SNX22: variants seen among roughly 807,000 people sequenced by gnomAD.
SNX22 encodes the protein sorting nexin 22.
Under a neutral mutation model 24.7 loss-of-function variants are expected in SNX22, and 23 were observed. The observed-to-expected ratio is 0.93, with a 90% CI of 0.67 to 1.32. The LOEUF (loss-of-function observed/expected upper bound fraction) is 1.32, where lower values mean the gene tolerates loss of function less well. Ranked by LOEUF, SNX22 falls within the 40% of genes most tolerant of loss-of-function variation. SNX22 has a pLI of 0.00. For synonymous variants in SNX22, 99 were observed against 104.0 expected (o/e 0.95, Z 0.29); for missense variants, 261 against 249.9 (o/e 1.04, Z -0.30).
chr15:64,153,873 C>G (rs2081505288), intron 5 of SNX22, 62 bp from the exon 6 acceptor site: 1 of 1,593,336 alleles, frequency 6.3e-7, no homozygotes, highest in Admixed American at 1.7e-5. Flanking sequence ...CCCGTCTCCA[C>G]CCCTCTGTGG....
chr15:64,156,747 A>G lies in SNX22; in HGVS notation c.*2239A>G. On this transcript the variant is annotated 3_prime_UTR_variant, in exon 7 of 7. Coordinates refer to ENST00000325881, the MANE Select transcript of SNX22 (RefSeq NM_024798.3). The surrounding 1 kb of genome is among the most constrained non-coding windows in gnomAD (Gnocchi z 6.4). ...CACCATGCCCTCTAGAACTTTGCCA[A>G]ACACCACATGCTTGCCATCTAGCCA... 2 of 1,614,144 alleles carry G rather than the reference A, an allele frequency of 1.2e-6. No individual in the cohort carries two copies. The highest frequency in any genetic ancestry group is 1.7e-6 in the Non-Finnish European group (2 of 1,180,026).
rs765111952 is a variant in SNX22, at chr15:64,153,326, G to C, written c.346G>C (p.Ala116Pro). 6.2e-7 allele frequency: 1 copy of C among 1,613,534 alleles called. No individual in the cohort carries two copies. Among genetic ancestry groups the C allele is most frequent in the African/African-American group, 1.3e-5 (1 of 75,048 alleles). The change falls in exon 4 of 7, where the codon GCT becomes CCT. Residue 116 changes from alanine to proline, a missense_variant. By Grantham distance (27) the Ala-to-Pro change is conservative. Coordinates refer to ENST00000325881, the MANE Select transcript of SNX22 (RefSeq NM_024798.3). ...RLRHFPTDPK[A>P]SNWGTLREFL... ...TCGGCACTTCCCCACAGACCCCAAGGCTAGCAACTGGGGGTAAGGGGGGCC... is the reference window on the plus strand; with the variant it reads ...TCGGCACTTCCCCACAGACCCCAAGCCTAGCAACTGGGGGTAAGGGGGGCC...
At chr15:64,153,466 T>G in intron 4 of SNX22, 127 bp downstream of exon 4, 1 of 1,496,556 alleles carries the variant, frequency 6.7e-7, no homozygotes, top group Non-Finnish European at 9.1e-7. Flanking sequence ...CCAGCTCTCT[T>G]GACCTGGGTG....
In SNX22 at chr15:64,152,622, G is replaced by C; in HGVS notation, c.160-16G>C. 1 of 1,612,184 alleles carries C rather than the reference G, an allele frequency of 6.2e-7. No individual in the cohort carries two copies. The highest frequency in any genetic ancestry group is 1.1e-5 in the South Asian group (1 of 90,998). On this transcript the variant is annotated splice_polypyrimidine_tract_variant and intron_variant, in intron 2 of 6. Coordinates refer to ENST00000325881, the MANE Select transcript of SNX22 (RefSeq NM_024798.3). ...CAGTCGGGATGCTGTGATCGCACGC[G>C]GTAAACCTCCAGTAGATCAAGAAGC... is the stretch of plus-strand genomic sequence containing the variant.
intron 3 of SNX22, 146 bp downstream of exon 3, chr15:64,152,888 A>G: frequency 1.4e-6 from 1 of 689,706 alleles, no homozygotes; most frequent in South Asian, 1.8e-5. Context: ...TGAGTCTAAT[A>G]TAGGTCCAAA....
rs1208540732 is a variant in SNX22, at chr15:64,151,765, C to T, written c.-11C>T. On this transcript the variant is annotated 5_prime_UTR_variant, in exon 1 of 7. Transcript: ENST00000325881. ...AGCCGAGCGCGCGGAGCAGCTGGGG[C>T]CGGGGCGCGGATGCTGGAAGTTCAC... The T allele has an allele frequency of 2.6e-6, 4 of 1,531,162 alleles. No individual in the cohort carries two copies. In the African/African-American group the frequency reaches 5.7e-5, roughly 22 times the overall value. 94.8% of individuals were successfully genotyped at this position (1,531,162 alleles called of 1,614,324 possible).
chr15:64,152,201 CG>C (rs1208294181), intron 1 of SNX22, 41 bp from the exon 2 acceptor site: 1 of 1,368,444 alleles, frequency 7.3e-7, no homozygotes, highest in East Asian at 3.0e-5. Context: ...CGTCCTCCCG[CG>C]GGGCCTCACG....
intron 5 of SNX22, 64 bp downstream of exon 5, chr15:64,153,748 C>A: frequency 6.2e-7 from 1 of 1,610,690 alleles, no homozygotes; most frequent in Non-Finnish European, 8.5e-7. Context: ...TGCTAGGAGG[C>A]AGGCCTGCTG....
At position 64,154,316 on chromosome 15, in the gene SNX22, G is replaced by T. The variant is rs878911021; in HGVS notation, c.461-71G>T. ...GCAGGGGCTCCTACTCCCAAGTGGG[G>T]GCTGAGCCCATGAGCAGGAGCTCAA... is the stretch of plus-strand genomic sequence containing the variant. On this transcript the variant is annotated intron_variant, in intron 6 of 6. Transcript: ENST00000325881. 4.6e-5 allele frequency: 74 copies of T among 1,601,576 alleles called. 1 individual carries two copies. Among genetic ancestry groups the T allele is most frequent in the Middle Eastern group, 3.4e-4 (2 of 5,944 alleles).
At chr15:64,152,787 G>T (rs1173967768) in intron 3 of SNX22, 45 bp downstream of exon 3, 1 of 1,567,900 alleles carries the variant, frequency 6.4e-7, no homozygotes, top group African/African-American at 1.3e-5. Flanking sequence ...TCTGTGCCAG[G>T]GGTGTGGCCC....
Position 64,155,912 on chromosome 15 carries a change from G to A in SNX22, c.*1404G>A, listed in dbSNP as rs954840080. ...TCCATGGGCCTGTGGAATGTGAGGG[G>A]AGTGGGTCCGCTCCACCAGATGCCA... On this transcript the variant is annotated 3_prime_UTR_variant, in exon 7 of 7. Coordinates refer to ENST00000325881, the MANE Select transcript of SNX22 (RefSeq NM_024798.3). 1 of 1,522,690 alleles carries A rather than the reference G, an allele frequency of 6.6e-7. No homozygotes were observed. Among genetic ancestry groups the A allele is most frequent in the Admixed American group, 1.7e-5 (1 of 59,862 alleles). 94.3% of individuals were successfully genotyped at this position (1,522,690 alleles called of 1,614,324 possible). A position where few individuals can be genotyped will look rare whatever the true frequency, so the allele number is the denominator to read the frequency against.
chr15:64,155,820 T>TAAA lies in SNX22; in HGVS notation c.*1323_*1325dup, dbSNP rs5813282. 2,365 of 529,094 alleles carry TAAA rather than the reference T, an allele frequency of 4.5e-3. 3 individuals carry two copies. The highest frequency in any genetic ancestry group is 6.8e-3 in the South Asian group (321 of 47,166). The allele number at this position is 529,094 out of a possible 1,614,324, so 32.8% of individuals were successfully genotyped here. ...AGAACCAGGCCCACACATTATATATTAAAAAAAAAAAAACCCACATTTTTT... is the reference window on the plus strand; with the variant it reads ...AGAACCAGGCCCACACATTATATATTAAAAAAAAAAAAAAAACCCACATTTTTT... On this transcript the variant is annotated 3_prime_UTR_variant, in exon 7 of 7. Transcript: ENST00000325881.
At position 64,153,996 on chromosome 15, in the gene SNX22, T is replaced by G. The variant is rs115329833; in HGVS notation, c.454T>G (p.Ser152Ala). Residue 152 changes from serine to alanine, a missense_variant, in exon 6 of 7, where the codon TCC (serine) becomes GCC (alanine). By Grantham distance (99) the Ser-to-Ala change is moderately conservative (BLOSUM62 1). Transcript: ENST00000325881. ...FHVDPYVCNPSPESLPNVVVN... is the reference protein window; with the variant it reads ...FHVDPYVCNPAPESLPNVVVN... Reference sequence around the variant, plus strand: ...TGTGGATCCCTATGTTTGCAACCCCTCCCCAGGTGAGGAGGTGCCTAGATA... The same window carrying G: ...TGTGGATCCCTATGTTTGCAACCCCGCCCCAGGTGAGGAGGTGCCTAGATA... The G allele has an allele frequency of 2.8e-4, 452 of 1,613,964 alleles. 2 individuals carry two copies. In the African/African-American group the frequency reaches 5.4e-3, roughly 19 times the overall value.
In SNX22 at chr15:64,154,565, A is replaced by C; in HGVS notation, c.*57A>C. On this transcript the variant is annotated 3_prime_UTR_variant, in exon 7 of 7. Transcript: ENST00000325881. ...AAAGTCATGTGCCTCTGTCCTATGA[A>C]CTCCATATAAGGCTGGGTCCTCCTT... is the stretch of plus-strand genomic sequence containing the variant. 3 of 1,597,620 alleles carry C rather than the reference A, an allele frequency of 1.9e-6. No homozygotes were observed. Among genetic ancestry groups the C allele is most frequent in the Non-Finnish European group, 1.7e-6 (2 of 1,169,874 alleles).
At chr15:64,153,850 T>A in intron 5 of SNX22, 85 bp from the exon 6 acceptor site, 1 of 1,592,028 alleles carries the variant, frequency 6.3e-7, no homozygotes, top group Non-Finnish European at 8.6e-7. Flanking sequence ...CATGGGTCCC[T>A]GGTGATGGCA....
Position 64,152,761 on chromosome 15 carries a change from G to T in SNX22, c.264+19G>T, listed in dbSNP as rs752787537. Reference sequence around the variant, plus strand: ...CATCCAGGTATGCGAGAGCACAGTTGGTTGCCCCCCGGCCTTCTGTGCCAG... The same window carrying T: ...CATCCAGGTATGCGAGAGCACAGTTTGTTGCCCCCCGGCCTTCTGTGCCAG... On this transcript the variant is annotated intron_variant, in intron 3 of 6. Coordinates refer to ENST00000325881, the MANE Select transcript of SNX22 (RefSeq NM_024798.3). 3.1e-6 allele frequency: 5 copies of T among 1,611,140 alleles called. No individual in the cohort carries two copies. The Admixed American group carries it at 5.0e-5, about 16-fold the overall frequency.
Position 64,156,048 on chromosome 15 carries a change from T to C in SNX22, c.*1540T>C, listed in dbSNP as rs756245364. On this transcript the variant is annotated 3_prime_UTR_variant, in exon 7 of 7. Coordinates refer to ENST00000325881, the MANE Select transcript of SNX22 (RefSeq NM_024798.3). This position sits in a 1 kb window ranked among gnomAD's most constrained non-coding sequence, Gnocchi z 6.4. The stretch of plus-strand genomic sequence containing the variant: ...CTACTCCTTGGCGATGGCAAAGGGC[T>C]TCTCCACCTCGATCTTGCCGCAGTC... The C allele has an allele frequency of 3.7e-6, 6 of 1,614,180 alleles. No homozygotes were observed. Among genetic ancestry groups the C allele is most frequent in the African/African-American group, 1.3e-5 (1 of 75,044 alleles).
Position 64,156,208 on chromosome 15 carries a change from A to G in SNX22, c.*1700A>G, listed in dbSNP as rs1359390950. On this transcript the variant is annotated 3_prime_UTR_variant, in exon 7 of 7. Transcript: ENST00000325881. The surrounding 1 kb of genome is among the most constrained non-coding windows in gnomAD (Gnocchi z 6.4). Reference sequence around the variant, plus strand: ...TCAGGAGGTCCACCGCTCAGGAGAAAGGCCCCAGCGTATGGCTCAGGAGGG... The same window carrying G: ...TCAGGAGGTCCACCGCTCAGGAGAAGGGCCCCAGCGTATGGCTCAGGAGGG... The G allele has an allele frequency of 1.2e-6, 2 of 1,603,322 alleles. No individual in the cohort carries two copies. Among genetic ancestry groups the G allele is most frequent in the East Asian group, 2.2e-5 (1 of 44,652 alleles).
In SNX22 at chr15:64,152,719, C is replaced by T. The variant is rs760351045; in HGVS notation, c.241C>T (p.Gln81Ter). The change falls in exon 3 of 7, where the codon CAG becomes TAG. Residue 81 changes from glutamine (Q) to a stop codon, truncating the protein, a stop_gained. Transcript: ENST00000325881. LOFTEE classifies it high-confidence loss of function. ...WRTRGLEQRR[Q>*]GLEAYIQGIL... is the part of the protein sequence containing the mutation. The stretch of plus-strand genomic sequence containing the variant: ...GACCAGAGGGTTGGAACAGCGCCGG[C>T]AGGGCTTGGAGGCTTACATCCAGGT... 2 of 1,614,086 alleles carry T rather than the reference C, an allele frequency of 1.2e-6. No homozygotes were observed. The highest frequency in any genetic ancestry group is 1.7e-5 in the Admixed American group (1 of 60,004).
Sources: gnomAD v4.1 joint callset for allele counts on GRCh38, gnomAD v4.1.1 for gene constraint, Gnocchi (gnomAD v3.1) non-coding constraint, MANE v1.5 for transcripts, NCBI Gene and HGNC (gene_info 2026-07-23, HGNC 2026-07-21) for gene names.